ERBB4: variants seen among roughly 807,000 people sequenced by gnomAD.
ERBB4 encodes erb-b2 receptor tyrosine kinase 4, also known as receptor tyrosine-protein kinase erbB-4.
Under a neutral mutation model 158.0 loss-of-function variants are expected in ERBB4, and 42 were observed. That is an observed-to-expected ratio of 0.27 (90% CI 0.21 to 0.34). The LOEUF (loss-of-function observed/expected upper bound fraction) is 0.34. ERBB4 is among the 10% of genes least tolerant of loss of function. The probability of loss-of-function intolerance (pLI) is 1.00; values close to 1 mark genes in which losing one functional copy is unlikely to be tolerated. For missense variants in ERBB4, 1,333 were observed against 1,624.1 expected, an observed-to-expected ratio of 0.82 and a Z score of 3.08; for synonymous variants, 583 against 558.7, an observed-to-expected ratio of 1.04 and a Z score of -0.61.
At chr2:212,056,180 G>C (rs1161800443) in intron 2 of ERBB4, among the ~76,000 whole-genome samples, 1 of 152,228 alleles carries the variant, frequency 6.6e-6, no homozygotes, top group Non-Finnish European at 1.5e-5. Context: ...GGGTATCAGT[G>C]ATTGAAGATC....
chr2:211,720,081 G>A (rs7590438), intron 7 of ERBB4, among the ~76,000 whole-genome samples: 85,905 of 151,980 alleles, frequency 0.57, 24,555 homozygotes, highest in South Asian at 0.63. Context: ...GCTTCCCAGC[G>A]ATGAGCAGGA....
rs1464078998 is a variant in ERBB4, at chr2:212,324,522, A to G, written c.83-199619T>C. ...TTTAGTTGATTATATTATTGCATTAACAGAACAATGCCTGCTACATAATAG... is the reference window on the plus strand; with the variant it reads ...TTTAGTTGATTATATTATTGCATTAGCAGAACAATGCCTGCTACATAATAG... On this transcript the variant is annotated intron_variant, in intron 1 of 27. Coordinates refer to ENST00000342788, the MANE Select transcript of ERBB4 (RefSeq NM_005235.3). Among the ~76,000 whole-genome samples, 35 of 149,004 alleles carry G rather than the reference A, an allele frequency of 2.3e-4. 2 individuals are homozygous for G. Among genetic ancestry groups the G allele is most frequent in the Admixed American group, 2.3e-3 (35 of 14,960 alleles).
At chr2:211,940,123 T>C (rs2080451729) in intron 3 of ERBB4, among the ~76,000 whole-genome samples, 1 of 152,034 alleles carries the variant, frequency 6.6e-6, no homozygotes, top group Non-Finnish European at 1.5e-5. Flanking sequence ...TTGTTGTGCC[T>C]CCCTTGGTAA....
intron 3 of ERBB4, among the ~76,000 whole-genome samples, chr2:211,868,838 T>A (rs184867523): frequency 6.6e-6 from 1 of 152,308 alleles, no homozygotes; most frequent in African/African-American, 2.4e-5. Context: ...CAATTTTTCA[T>A]TGATTTCTAA....
chr2:212,441,550 A>G (rs1198683113), intron 1 of ERBB4, among the ~76,000 whole-genome samples: 1 of 152,214 alleles, frequency 6.6e-6, no homozygotes, highest in Admixed American at 6.5e-5. Flanking sequence ...CTATATAAGT[A>G]GAAACCTGGA....
At chr2:212,374,111 C>A (rs938468673) in intron 1 of ERBB4, among the ~76,000 whole-genome samples, 1 of 141,398 alleles carries the variant, frequency 7.1e-6, no homozygotes, top group Non-Finnish European at 1.5e-5. Flanking sequence ...TATACACACA[C>A]ATATATAGCT....
At chr2:211,840,366 T>C (rs1188065002) in intron 3 of ERBB4, among the ~76,000 whole-genome samples, 1 of 151,916 alleles carries the variant, frequency 6.6e-6, no homozygotes, top group African/African-American at 2.4e-5. Flanking sequence ...CTTTCCTTTA[T>C]AAATTACCCA....
At chr2:211,631,969 A>G (rs943426362) in intron 16 of ERBB4, among the ~76,000 whole-genome samples, 10 of 152,060 alleles carry the variant, frequency 6.6e-5, no homozygotes, top group Non-Finnish European at 1.2e-4. Flanking sequence ...TTCTCAATAA[A>G]ATCTTGAAAT....
At chr2:212,144,238 C>A (rs73071233) in intron 1 of ERBB4, among the ~76,000 whole-genome samples, 3 of 152,070 alleles carry the variant, frequency 2.0e-5, no homozygotes, top group East Asian at 1.9e-4. Flanking sequence ...ACACGTATGA[C>A]CCTCTTTGGC....
At chr2:211,504,235 T>A (rs986619422) in intron 20 of ERBB4, among the ~76,000 whole-genome samples, 9 of 151,934 alleles carry the variant, frequency 5.9e-5, no homozygotes, top group Admixed American at 5.2e-4. Context: ...GATCACCACA[T>A]CTCCATCCTC....
intron 2 of ERBB4, among the ~76,000 whole-genome samples, chr2:211,970,019 T>C (rs2081407870): frequency 1.3e-5 from 2 of 152,166 alleles, no homozygotes; most frequent in Admixed American, 6.5e-5. Context: ...AACTTTTTGA[T>C]GTGGTCATTT....
At chr2:212,164,762 CTT>C (rs1334169712) in intron 1 of ERBB4, among the ~76,000 whole-genome samples, 3 of 151,894 alleles carry the variant, frequency 2.0e-5, no homozygotes, top group Admixed American at 2.0e-4. Context: ...TTTTCAACCT[CTT>C]GTCATTTCTT....
At chr2:212,386,543 A>C (rs1211025681) in intron 1 of ERBB4, among the ~76,000 whole-genome samples, 1 of 151,758 alleles carries the variant, frequency 6.6e-6, no homozygotes, top group Admixed American at 6.6e-5. Flanking sequence ...CTATTTTGTA[A>C]AAGCAAATAT....
At chr2:211,912,657 T>C (rs1468857349) in intron 3 of ERBB4, among the ~76,000 whole-genome samples, 1 of 152,162 alleles carries the variant, frequency 6.6e-6, no homozygotes, top group Non-Finnish European at 1.5e-5. Context: ...AAAATATATC[T>C]CTTTGACATA....
chr2:211,788,208 T>A (rs767507846), intron 3 of ERBB4, 49 bp from the exon 4 acceptor site: 1 of 1,438,368 alleles, frequency 7.0e-7, no homozygotes, highest in Non-Finnish European at 9.7e-7. Context: ...TGCTTGTTGA[T>A]GAAAAGGTAA....
intron 2 of ERBB4, among the ~76,000 whole-genome samples, chr2:212,045,447 A>G (rs2077237729): frequency 6.6e-6 from 1 of 152,162 alleles, no homozygotes; most frequent in African/African-American, 2.4e-5. Flanking sequence ...AATAGAGGAG[A>G]GAGGAGATTC....
intron 16 of ERBB4, among the ~76,000 whole-genome samples, chr2:211,654,269 G>T (rs980201046): frequency 1.3e-5 from 2 of 152,152 alleles, no homozygotes; most frequent in African/African-American, 4.8e-5. Context: ...TCATGTAAAT[G>T]TCAAACTTTC....
At chr2:211,824,086 A>G (rs1447331217) in intron 3 of ERBB4, among the ~76,000 whole-genome samples, 2 of 151,942 alleles carry the variant, frequency 1.3e-5, no homozygotes, top group African/African-American at 4.8e-5. Flanking sequence ...ACTTTTCCTT[A>G]TGGCAAGTGC....
Position 212,517,626 on chromosome 2 carries a change from TTTC to T in ERBB4, c.82+20820_82+20822del, listed in dbSNP as rs371251618. Reference sequence around the variant, plus strand: ...GTTGCTCTTTTCTTTCATTCTCTTCTTTCTTCTTCTCCTTCCAGCCATGGAAAT... The same window carrying T: ...GTTGCTCTTTTCTTTCATTCTCTTCTTTCTTCTCCTTCCAGCCATGGAAAT... On this transcript the variant is annotated intron_variant, in intron 1 of 27. Transcript: ENST00000342788. 1.6e-4 allele frequency among the ~76,000 whole-genome samples: 25 copies of T among 152,256 alleles called. 1 individual carries two copies. The highest frequency in any genetic ancestry group is 6.0e-4 in the African/African-American group (25 of 41,568).
Sources: gnomAD v4.1 joint callset for allele counts (sites outside exome capture counted in the v4.1 genomes callset) on GRCh38, gnomAD v4.1.1 for gene constraint, MANE v1.5 for transcripts, NCBI Gene and HGNC (gene_info 2026-07-23, HGNC 2026-07-21) for gene names.